Variants in PARD3 observed in about 807,000 individuals in gnomAD.
PARD3 encodes par-3 family cell polarity regulator.
In PARD3, 75 loss-of-function variants were observed where a neutral mutation model predicts 155.4. The ratio of observed to expected loss-of-function variants is 0.48; its 90% CI spans 0.40 to 0.58. PARD3 has a LOEUF of 0.58. Among genes scored for constraint, PARD3 ranks in the 20% least tolerant of loss-of-function variants. The pLI is 0.00. For missense variants in PARD3, 1,642 were observed against 1,721.7 expected (o/e 0.95, Z 0.82); for synonymous variants, 576 against 610.5 (o/e 0.94, Z 0.83).
intron 1 of PARD3, among the ~76,000 whole-genome samples, chr10:34,717,928 T>C: frequency 6.6e-6 from 1 of 150,878 alleles, no homozygotes; most frequent in East Asian, 2.0e-4. Flanking sequence ...CCGAGATGGG[T>C]GGACTGTCTG....
At chr10:34,745,855 C>G (rs1186251459) in intron 1 of PARD3, among the ~76,000 whole-genome samples, 1 of 152,180 alleles carries the variant, frequency 6.6e-6, no homozygotes, top group Non-Finnish European at 1.5e-5. Flanking sequence ...AATCCCAGCA[C>G]TTTGGGAGGT....
At chr10:34,158,246 A>G (rs1949108113) in intron 22 of PARD3, among the ~76,000 whole-genome samples, 1 of 152,066 alleles carries the variant, frequency 6.6e-6, no homozygotes, top group African/African-American at 2.4e-5. Context: ...AAAACCACAA[A>G]AGAGAGAGAG....
chr10:34,790,972 T>TCACA (rs201940384), intron 1 of PARD3, among the ~76,000 whole-genome samples: 7 of 152,094 alleles, frequency 4.6e-5, no homozygotes, highest in African/African-American at 1.7e-4. Context: ...GCACATGGGC[T>TCACA]CACACACAGA....
intron 22 of PARD3, among the ~76,000 whole-genome samples, chr10:34,176,488 A>C (rs947548993): frequency 6.6e-6 from 1 of 152,194 alleles, no homozygotes; most frequent in African/African-American, 2.4e-5. Flanking sequence ...GGAAGTAGAT[A>C]ATGTGTTTAT....
chr10:34,576,633 C>T (rs1027724874), intron 2 of PARD3, among the ~76,000 whole-genome samples: 2 of 152,078 alleles, frequency 1.3e-5, no homozygotes, highest in Non-Finnish European at 1.5e-5. Flanking sequence ...CCCCTGACTG[C>T]ACTAATCAGA....
At chr10:34,667,010 A>G (rs560653152) in intron 2 of PARD3, among the ~76,000 whole-genome samples, 1 of 151,844 alleles carries the variant, frequency 6.6e-6, no homozygotes, top group South Asian at 2.1e-4. Context: ...CTCTACTAGA[A>G]ATACAAAAAT....
Position 34,336,315 on chromosome 10 carries a change from G to C in PARD3, c.2561-72C>G, listed in dbSNP as rs1340351525. The C allele has an allele frequency of 7.1e-6, 8 of 1,118,994 alleles. No homozygotes were observed. In the East Asian group the frequency reaches 1.9e-4, roughly 27 times the overall value. The allele number at this position is 1,118,994 out of a possible 1,614,324, so 69.3% of individuals were successfully genotyped here. ...GCCCACCATGCTTCCACCATTCCCA[G>C]ATCTTTTTAGTTAGGTGACGATCCT... On this transcript the variant is annotated intron_variant, in intron 17 of 24. Coordinates refer to ENST00000374788, the MANE Select transcript of PARD3 (RefSeq NM_001184785.2).
chr10:34,483,497 AAAG>A lies in PARD3; in HGVS notation c.404-13237_404-13235del, dbSNP rs1331131941. 1.4e-5 allele frequency among the ~76,000 whole-genome samples: 2 copies of A among 140,724 alleles called. 1 individual carries two copies. Among genetic ancestry groups the A allele is most frequent in the African/African-American group, 6.4e-5 (2 of 31,156 alleles). 92.3% of individuals were successfully genotyped at this position (140,724 alleles called of 152,430 possible). On this transcript the variant is annotated intron_variant, in intron 3 of 24. Transcript: ENST00000374788. ...ACTCTGTCACCAAAAAAAAAAAAAA[AAAG>A]AGAGAGAAAAAAAAACAGAAAAAAG...
chr10:34,536,963 T>C (rs2083274711), intron 2 of PARD3, among the ~76,000 whole-genome samples: 2 of 152,158 alleles, frequency 1.3e-5, no homozygotes, highest in African/African-American at 2.4e-5. Context: ...TAAACTTAAT[T>C]GGGGTCAAAG....
chr10:34,568,894 T>C (rs1257038922), intron 2 of PARD3, among the ~76,000 whole-genome samples: 1 of 152,204 alleles, frequency 6.6e-6, no homozygotes, highest in Non-Finnish European at 1.5e-5. Context: ...GAGACTTAAT[T>C]ACATTTTCAG....
chr10:34,797,148 TC>T (rs1842354689), intron 1 of PARD3, among the ~76,000 whole-genome samples: 4 of 152,252 alleles, frequency 2.6e-5, no homozygotes, highest in African/African-American at 7.2e-5. Context: ...GTGGGACTGT[TC>T]CAAGGAGCTA....
At position 34,553,264 on chromosome 10, in the gene PARD3, G is replaced by C. The variant is rs1046714522; in HGVS notation, c.223-36105C>G. On this transcript the variant is annotated intron_variant, in intron 2 of 24. Transcript: ENST00000374788. Reference sequence around the variant, plus strand: ...AATTCCTAGGTCAGAACCATGGAAAGGGCTGGTTAAAGGAAGGCTTCCTCC... The same window carrying C: ...AATTCCTAGGTCAGAACCATGGAAACGGCTGGTTAAAGGAAGGCTTCCTCC... 2.6e-5 allele frequency among the ~76,000 whole-genome samples: 4 copies of C among 152,272 alleles called. No homozygotes were observed. The East Asian group carries it at 7.7e-4, about 29-fold the overall frequency.
At chr10:34,635,202 C>T (rs2092424106) in intron 2 of PARD3, among the ~76,000 whole-genome samples, 1 of 152,216 alleles carries the variant, frequency 6.6e-6, no homozygotes, top group Admixed American at 6.5e-5. Context: ...AGGCTTCTCC[C>T]CATGGGTGCT....
chr10:34,387,393 CAG>C (rs1170672335), intron 7 of PARD3, among the ~76,000 whole-genome samples: 1 of 152,084 alleles, frequency 6.6e-6, no homozygotes, highest in Non-Finnish European at 1.5e-5. Context: ...CAACTTAAAA[CAG>C]TGTAACTTAT....
rs551477387 is a variant in PARD3, at chr10:34,287,760, A to G, written c.3066-3515T>C. 2.6e-4 allele frequency among the ~76,000 whole-genome samples: 39 copies of G among 152,324 alleles called. No individual in the cohort carries two copies. The South Asian group carries it at 8.1e-3, about 32-fold the overall frequency. ...CTTAAGTACGTATGACATTTTTTAA[A>G]GAGTAGGTTCCTGATTCATACCTAA... On this transcript the variant is annotated intron_variant, in intron 20 of 24. Transcript: ENST00000374788.
intron 3 of PARD3, among the ~76,000 whole-genome samples, chr10:34,470,981 C>T (rs2078310847): frequency 6.6e-6 from 1 of 152,088 alleles, no homozygotes; most frequent in Non-Finnish European, 1.5e-5. Context: ...ATCACATATT[C>T]TCCGTAAATA....
chr10:34,209,780 G>T (rs534268988), intron 22 of PARD3, among the ~76,000 whole-genome samples: 10 of 152,146 alleles, frequency 6.6e-5, no homozygotes, highest in Admixed American at 3.9e-4. Context: ...CAAATTCTTG[G>T]GAGAGAAAGC....
chr10:34,599,822 A>G (rs1485392337), intron 2 of PARD3, among the ~76,000 whole-genome samples: 1 of 152,192 alleles, frequency 6.6e-6, no homozygotes, highest in East Asian at 1.9e-4. Flanking sequence ...ATCATATTAA[A>G]GCCATGTTTT....
intron 5 of PARD3, among the ~76,000 whole-genome samples, chr10:34,404,177 GAACCTC>G (rs1356212733): frequency 6.6e-5 from 10 of 152,146 alleles, no homozygotes; most frequent in East Asian, 1.9e-4. Flanking sequence ...AGTTGCTGTG[GAACCTC>G]AACTTAGATT....
Sources: gnomAD v4.1 joint callset for allele counts (sites outside exome capture counted in the v4.1 genomes callset) on GRCh38, gnomAD v4.1.1 for gene constraint, MANE v1.5 for transcripts, NCBI Gene and HGNC (gene_info 2026-07-23, HGNC 2026-07-21) for gene names.